The following DZIP3 variants were observed in gnomAD, a reference collection of about 807,000 sequenced individuals.
The protein encoded by DZIP3 is E3 ubiquitin-protein ligase DZIP3.
Under a neutral mutation model 162.0 loss-of-function variants are expected in DZIP3, and 118 were observed. The ratio of observed to expected loss-of-function variants is 0.73; its 90% CI spans 0.63 to 0.85. The LOEUF (loss-of-function observed/expected upper bound fraction) is 0.85, where lower values mean the gene tolerates loss of function less well. Among genes scored for constraint, DZIP3 ranks in the 40% least tolerant of loss-of-function variants. The pLI is 0.00. For missense variants in DZIP3, 1,331 were observed against 1,407.0 expected, an observed-to-expected ratio of 0.95 and a Z score of 0.86; for synonymous variants, 438 against 458.6, an observed-to-expected ratio of 0.96 and a Z score of 0.57.
chr3:108,609,797 T>C (rs756557933), intron 3 of DZIP3, among the ~76,000 whole-genome samples: 1 of 152,196 alleles, frequency 6.6e-6, no homozygotes, highest in Non-Finnish European at 1.5e-5. Context: ...GCCGTGTTCA[T>C]GCCACTGCAC....
chr3:108,640,184 G>A (rs1321956845), intron 12 of DZIP3, among the ~76,000 whole-genome samples: 1 of 151,984 alleles, frequency 6.6e-6, no homozygotes, highest in Non-Finnish European at 1.5e-5. Flanking sequence ...TGTAAATAAT[G>A]TGTCTTCTGA....
At chr3:108,632,154 C>G (rs1260543598) in intron 8 of DZIP3, among the ~76,000 whole-genome samples, 2 of 152,114 alleles carry the variant, frequency 1.3e-5, no homozygotes, top group African/African-American at 4.8e-5. Flanking sequence ...TATGAAGGAC[C>G]TTATCTAATC....
intron 19 of DZIP3, among the ~76,000 whole-genome samples, chr3:108,657,194 A>G (rs1943172378): frequency 6.6e-6 from 1 of 152,190 alleles, no homozygotes; most frequent in Non-Finnish European, 1.5e-5. Flanking sequence ...TGGCAGATTC[A>G]CCAAAGTTGA....
intron 7 of DZIP3, among the ~76,000 whole-genome samples, chr3:108,626,681 CAG>C (rs1461670331): frequency 6.6e-6 from 1 of 152,170 alleles, no homozygotes; most frequent in Non-Finnish European, 1.5e-5. Flanking sequence ...TTACAAAATA[CAG>C]TTCCTGTCTT....
At chr3:108,674,249 T>A in intron 24 of DZIP3, 68 bp downstream of exon 24, 2 of 1,349,642 alleles carry the variant, frequency 1.5e-6, no homozygotes. Flanking sequence ...CACGGTTGAA[T>A]ATAATCTGTG....
At chr3:108,634,815 T>A in intron 9 of DZIP3, 56 bp from the exon 10 acceptor site, 1 of 984,638 alleles carries the variant, frequency 1.0e-6, no homozygotes, top group Non-Finnish European at 1.4e-6. Context: ...TAATTTTTTT[T>A]ATCTATACAA....
At position 108,632,938 on chromosome 3, in the gene DZIP3, G is replaced by C; in HGVS notation, c.697-15G>C. ...TTAGTAATTCATGAGAATTCTTTCT[G>C]TTTTTAAAATCTAGGATCTTCTTAA... On this transcript the variant is annotated splice_polypyrimidine_tract_variant and intron_variant, in intron 8 of 32. Coordinates refer to ENST00000361582, the MANE Select transcript of DZIP3 (RefSeq NM_014648.4). 7.5e-7 allele frequency: 1 copy of C among 1,336,606 alleles called. No homozygotes were observed. The highest frequency in any genetic ancestry group is 1.0e-6 in the Non-Finnish European group (1 of 997,532). 82.8% of individuals were successfully genotyped at this position (1,336,606 alleles called of 1,614,324 possible). A position where few individuals can be genotyped will look rare whatever the true frequency, so the allele number is the denominator to read the frequency against.
chr3:108,684,280 C>CT lies in DZIP3; in HGVS notation c.2949dup (p.Gln984SerfsTer17), dbSNP rs1212961871. The CT allele has an allele frequency of 6.2e-7, 1 of 1,613,164 alleles. No homozygotes were observed. Among genetic ancestry groups the CT allele is most frequent in the Non-Finnish European group, 8.5e-7 (1 of 1,179,578 alleles). ...TTCTTTAGACCCATACTTACTGTTC[C>CT]TCAAATGCCTGCAGTTTGCCCGGGA... On this transcript the variant is annotated frameshift_variant, in exon 27 of 33. Coordinates refer to ENST00000361582, the MANE Select transcript of DZIP3 (RefSeq NM_014648.4). LOFTEE classifies it high-confidence loss of function.
At position 108,657,157 on chromosome 3, in the gene DZIP3, G is replaced by A. The variant is rs370308439; in HGVS notation, c.2199+2847G>A. 1.3e-4 allele frequency among the ~76,000 whole-genome samples: 20 copies of A among 152,230 alleles called. No individual in the cohort carries two copies. The South Asian group carries it at 4.1e-3, about 32-fold the overall frequency. On this transcript the variant is annotated intron_variant, in intron 19 of 32. Transcript: ENST00000361582. Reference sequence around the variant, plus strand: ...AGAGAACGCCACAAAGATACTACTCGAGAAGAGCAACTCCAAGACACATAA... The same window carrying A: ...AGAGAACGCCACAAAGATACTACTCAAGAAGAGCAACTCCAAGACACATAA...
intron 27 of DZIP3, 85 bp downstream of exon 27, chr3:108,684,426 C>T (rs1225835764): frequency 4.1e-6 from 6 of 1,477,110 alleles, no homozygotes; most frequent in South Asian, 1.3e-5. Flanking sequence ...TCATTTTGTT[C>T]ATTCATTTGA....
intron 7 of DZIP3, among the ~76,000 whole-genome samples, chr3:108,627,097 C>G (rs1430201744): frequency 6.6e-6 from 1 of 152,172 alleles, no homozygotes; most frequent in East Asian, 1.9e-4. Flanking sequence ...TATAGTGGGG[C>G]TAGTGTGATG....
intron 19 of DZIP3, among the ~76,000 whole-genome samples, chr3:108,660,804 C>T (rs1282992738): frequency 6.6e-6 from 1 of 152,036 alleles, no homozygotes; most frequent in African/African-American, 2.4e-5. Flanking sequence ...AAAAAACAAC[C>T]CCATCAACAG....
At chr3:108,612,381 G>A (rs1342369158) in intron 4 of DZIP3, among the ~76,000 whole-genome samples, 2 of 152,102 alleles carry the variant, frequency 1.3e-5, no homozygotes, top group South Asian at 2.1e-4. Context: ...ATTTACCACA[G>A]TATAAGTGAA....
At chr3:108,678,048 GCTC>G (rs1272273516) in intron 26 of DZIP3, among the ~76,000 whole-genome samples, 2 of 152,068 alleles carry the variant, frequency 1.3e-5, no homozygotes, top group Admixed American at 1.3e-4. Flanking sequence ...TACCACCTGA[GCTC>G]TGCATCCTGT....
intron 5 of DZIP3, among the ~76,000 whole-genome samples, chr3:108,620,967 G>A (rs1009329154): frequency 4.6e-5 from 7 of 152,048 alleles, no homozygotes; most frequent in South Asian, 2.1e-4. Flanking sequence ...GACTACAGGC[G>A]CGTGCCACCA....
chr3:108,634,732 T>G (rs766456165), intron 9 of DZIP3, 139 bp from the exon 10 acceptor site: 14 of 440,884 alleles, frequency 3.2e-5, no homozygotes, highest in Non-Finnish European at 5.2e-5. Context: ...TGGTGATCTC[T>G]GATTTCTGTT....
intron 6 of DZIP3, among the ~76,000 whole-genome samples, chr3:108,624,864 A>G (rs1422522645): frequency 2.6e-5 from 4 of 152,122 alleles, no homozygotes; most frequent in African/African-American, 7.2e-5. Flanking sequence ...GATAATTTCT[A>G]AGGGTTCTGT....
chr3:108,642,211 G>A (rs1942428463), intron 12 of DZIP3, among the ~76,000 whole-genome samples: 2 of 151,774 alleles, frequency 1.3e-5, no homozygotes, highest in African/African-American at 4.8e-5. Flanking sequence ...TAATGTGATA[G>A]TTTTAGTATG....
At chr3:108,622,869 T>TCC (rs1941421595) in intron 5 of DZIP3, among the ~76,000 whole-genome samples, 1 of 126,672 alleles carries the variant, frequency 7.9e-6, no homozygotes, top group South Asian at 2.9e-4. Flanking sequence ...TCTCTCTCTC[T>TCC]CTCTCTCTCT....
Sources: allele counts gnomAD v4.1 joint callset (sites outside exome capture counted in the v4.1 genomes callset), GRCh38; gene constraint gnomAD v4.1.1; transcripts MANE v1.5; gene names NCBI Gene and HGNC (gene_info 2026-07-23, HGNC 2026-07-21).